Variants in LHFPL3 observed in about 807,000 individuals in gnomAD.
LHFPL3 encodes LHFPL tetraspan subfamily member 3.
In LHFPL3, 5 loss-of-function variants were observed where a neutral mutation model predicts 19.3. The observed-to-expected ratio is 0.26, with a 90% CI of 0.14 to 0.54. The LOEUF is 0.54. Among genes scored for constraint, LHFPL3 ranks in the 20% least tolerant of loss-of-function variants. The probability of loss-of-function intolerance (pLI) is 0.94; values close to 1 mark genes in which losing one functional copy is unlikely to be tolerated. For synonymous variants in LHFPL3, 133 were observed against 126.2 expected, an observed-to-expected ratio of 1.05 and a Z score of -0.36; for missense variants, 249 against 307.4, an observed-to-expected ratio of 0.81 and a Z score of 1.42.
chr7:104,421,104 A>T (rs1288045897), intron 1 of LHFPL3, among the ~76,000 whole-genome samples: 1 of 152,244 alleles, frequency 6.6e-6, no homozygotes, highest in East Asian at 1.9e-4. Context: ...AGTAAGGATA[A>T]CTACGCAAAA....
At chr7:104,794,766 G>A (rs2470961) in intron 2 of LHFPL3, among the ~76,000 whole-genome samples, 77,682 of 151,974 alleles carry the variant, frequency 0.51, 20,084 homozygotes, top group Middle Eastern at 0.56. Context: ...CCTCTGTGTC[G>A]TCACTTAGAA....
intron 1 of LHFPL3, among the ~76,000 whole-genome samples, chr7:104,471,110 A>G (rs1248473081): frequency 6.6e-6 from 1 of 152,090 alleles, no homozygotes; most frequent in Non-Finnish European, 1.5e-5. Flanking sequence ...TTCATTTACC[A>G]TATTACTAAT....
chr7:104,401,967 A>G (rs533000352), intron 1 of LHFPL3, among the ~76,000 whole-genome samples: 1 of 152,338 alleles, frequency 6.6e-6, no homozygotes, highest in East Asian at 1.9e-4. Flanking sequence ...AGCTTTGCTT[A>G]GAAATGACTC....
chr7:104,613,196 G>A (rs1791242757), intron 1 of LHFPL3, among the ~76,000 whole-genome samples: 1 of 152,118 alleles, frequency 6.6e-6, no homozygotes, highest in South Asian at 2.1e-4. Flanking sequence ...CTTTTTGGTA[G>A]CATGTTGCAA....
chr7:104,578,274 C>A (rs931935380), intron 1 of LHFPL3, among the ~76,000 whole-genome samples: 1 of 152,228 alleles, frequency 6.6e-6, no homozygotes, highest in African/African-American at 2.4e-5. Context: ...TGCTTAGCTG[C>A]GCTGTGATGG....
At chr7:104,372,251 C>G (rs570544985) in intron 1 of LHFPL3, among the ~76,000 whole-genome samples, 2 of 152,164 alleles carry the variant, frequency 1.3e-5, no homozygotes, top group South Asian at 4.1e-4. Context: ...TCCATGTATA[C>G]GTTACCTTTT....
chr7:104,540,049 T>G (rs1794455831), intron 1 of LHFPL3, among the ~76,000 whole-genome samples: 1 of 152,154 alleles, frequency 6.6e-6, no homozygotes, highest in Non-Finnish European at 1.5e-5. Context: ...GGGAGAAACT[T>G]ATTGCAATGT....
chr7:104,586,252 T>C (rs1293094487), intron 1 of LHFPL3, among the ~76,000 whole-genome samples: 1 of 152,070 alleles, frequency 6.6e-6, no homozygotes, highest in Non-Finnish European at 1.5e-5. Context: ...AAAGAGGAGT[T>C]AAGGATGGTT....
intron 1 of LHFPL3, among the ~76,000 whole-genome samples, chr7:104,557,131 CAA>C (rs1789856751): frequency 6.6e-6 from 1 of 152,166 alleles, no homozygotes. Context: ...CTAAGCCCTC[CAA>C]ACTCTTCCAA....
At chr7:104,500,246 T>C (rs1385749862) in intron 1 of LHFPL3, among the ~76,000 whole-genome samples, 1 of 152,226 alleles carries the variant, frequency 6.6e-6, no homozygotes, top group Non-Finnish European at 1.5e-5. Flanking sequence ...TGGGAGTTTA[T>C]TTCAACAAAC....
intron 1 of LHFPL3, among the ~76,000 whole-genome samples, chr7:104,504,234 A>G (rs760276850): frequency 3.9e-5 from 6 of 152,252 alleles, no homozygotes; most frequent in Non-Finnish European, 8.8e-5. Context: ...GCAAACTACA[A>G]TGGAAGGAGT....
chr7:104,412,498 A>T (rs1157796756), intron 1 of LHFPL3, among the ~76,000 whole-genome samples: 1 of 152,118 alleles, frequency 6.6e-6, no homozygotes, highest in East Asian at 1.9e-4. Flanking sequence ...TAGTGAAATC[A>T]TACTCACACA....
At chr7:104,419,234 C>A (rs1791682094) in intron 1 of LHFPL3, among the ~76,000 whole-genome samples, 1 of 152,168 alleles carries the variant, frequency 6.6e-6, no homozygotes, top group Non-Finnish European at 1.5e-5. Flanking sequence ...GTTGGAGCTT[C>A]ATTTAGTAGG....
intron 1 of LHFPL3, among the ~76,000 whole-genome samples, chr7:104,415,778 A>C (rs1310915007): frequency 6.6e-6 from 1 of 152,196 alleles, no homozygotes; most frequent in Non-Finnish European, 1.5e-5. Flanking sequence ...AGTAGCAAAA[A>C]AACATTATTT....
At chr7:104,504,145 T>A (rs532344816) in intron 1 of LHFPL3, among the ~76,000 whole-genome samples, 37 of 152,328 alleles carry the variant, frequency 2.4e-4, no homozygotes, top group Non-Finnish European at 5.0e-4. Context: ...TATTCACCTC[T>A]GAACGCTCTC....
intron 1 of LHFPL3, among the ~76,000 whole-genome samples, chr7:104,718,456 G>GCC (rs1403286056): frequency 1.3e-5 from 2 of 152,178 alleles, no homozygotes; most frequent in Non-Finnish European, 1.5e-5. Context: ...CCTAAGGCCA[G>GCC]CCCTTGTATT....
rs77698276 is a variant in LHFPL3 at position 104,795,052 on chromosome 7, C to T, written c.682+58141C>T. 3.9e-3 allele frequency among the ~76,000 whole-genome samples: 590 copies of T among 152,264 alleles called. 7 individuals are homozygous for T. Among genetic ancestry groups the T allele is most frequent in the African/African-American group, 0.013 (532 of 41,538 alleles). Reference sequence around the variant, plus strand: ...AAAACCTTTTTATTTTCTTCTAAAGCGTCTAAAGTCCCCTAGAAACAAGTC... The same window carrying T: ...AAAACCTTTTTATTTTCTTCTAAAGTGTCTAAAGTCCCCTAGAAACAAGTC... On this transcript the variant is annotated intron_variant, in intron 2 of 2. Transcript: ENST00000424859.
At chr7:104,508,560 GTAAC>G (rs1417366660) in intron 1 of LHFPL3, among the ~76,000 whole-genome samples, 1 of 151,420 alleles carries the variant, frequency 6.6e-6, no homozygotes, top group African/African-American at 2.4e-5. Flanking sequence ...GTATACATAT[GTAAC>G]TAACCTGCAC....
At chr7:104,409,676 T>TA (rs1398744400) in intron 1 of LHFPL3, among the ~76,000 whole-genome samples, 1 of 151,910 alleles carries the variant, frequency 6.6e-6, no homozygotes. Context: ...TTAAGAAAAA[T>TA]AAAAAATCAC....
Sources: allele counts gnomAD v4.1 joint callset (sites outside exome capture counted in the v4.1 genomes callset), GRCh38; gene constraint gnomAD v4.1.1; transcripts MANE v1.5; gene names NCBI Gene and HGNC (gene_info 2026-07-23, HGNC 2026-07-21).